The following RAB28 variants were observed in gnomAD, a reference collection of about 807,000 sequenced individuals.
RAB28 encodes ras-related protein Rab-28.
A neutral mutation model predicts 31.7 loss-of-function variants in RAB28; 24 were observed. That is an observed-to-expected ratio of 0.76 (90% CI 0.55 to 1.06). RAB28 has a LOEUF of 1.06. RAB28 is among the 50% of genes least tolerant of loss of function. The pLI, the probability that RAB28 is intolerant of heterozygous loss-of-function variation, is 0.00. For synonymous variants in RAB28, 100 were observed against 90.4 expected, an observed-to-expected ratio of 1.11 and a Z score of -0.60; for missense variants, 254 against 258.5, an observed-to-expected ratio of 0.98 and a Z score of 0.12.
At chr4:13,380,582 T>G (rs945628915) in intron 5 of RAB28, among the ~76,000 whole-genome samples, 4 of 152,142 alleles carry the variant, frequency 2.6e-5, no homozygotes, top group African/African-American at 4.8e-5. Context: ...TTTTCTTTTT[T>G]GGGGCCTACC....
chr4:13,392,372 A>G (rs1196730541), intron 4 of RAB28, among the ~76,000 whole-genome samples: 1 of 152,224 alleles, frequency 6.6e-6, no homozygotes, highest in Non-Finnish European at 1.5e-5. Flanking sequence ...TCATATCCCA[A>G]GAGATGACCT....
At chr4:13,412,511 CT>C (rs1457530276) in intron 4 of RAB28, among the ~76,000 whole-genome samples, 1 of 152,056 alleles carries the variant, frequency 6.6e-6, no homozygotes, top group African/African-American at 2.4e-5. Flanking sequence ...CTTGACCTCT[CT>C]GTTCTAAGAG....
intron 4 of RAB28, among the ~76,000 whole-genome samples, chr4:13,387,459 T>C (rs1729423514): frequency 6.6e-6 from 1 of 152,092 alleles, no homozygotes; most frequent in Non-Finnish European, 1.5e-5. Context: ...GTTATTTCTG[T>C]TGCCCTTTAA....
intron 2 of RAB28, among the ~76,000 whole-genome samples, chr4:13,476,841 G>T (rs1411271641): frequency 1.3e-5 from 2 of 151,464 alleles, no homozygotes; most frequent in Non-Finnish European, 3.0e-5. Flanking sequence ...CAAAATTCCT[G>T]TTCCTCTGTA....
chr4:13,437,515 A>C (rs570473248), intron 4 of RAB28, among the ~76,000 whole-genome samples: 12 of 152,248 alleles, frequency 7.9e-5, no homozygotes, highest in African/African-American at 1.7e-4. Flanking sequence ...GTCAAGGAAA[A>C]AAAAATAACC....
At chr4:13,437,837 C>T (rs1577214068) in intron 4 of RAB28, among the ~76,000 whole-genome samples, 1 of 151,980 alleles carries the variant, frequency 6.6e-6, no homozygotes, top group Admixed American at 6.5e-5. Flanking sequence ...CCCAGCAATC[C>T]CACTACTGAC....
chr4:13,460,624 G>T (rs1715544258), intron 4 of RAB28, 75 bp downstream of exon 4: 1 of 1,566,734 alleles, frequency 6.4e-7, no homozygotes. Context: ...AATTGGGGGT[G>T]GTGGGGGGAC....
chr4:13,452,656 T>A (rs192321235), intron 4 of RAB28, among the ~76,000 whole-genome samples: 2 of 152,192 alleles, frequency 1.3e-5, no homozygotes, highest in East Asian at 1.9e-4. Context: ...TTTTTTTAAA[T>A]TTTTTTGACA....
chr4:13,475,182 A>T (rs933331827), intron 2 of RAB28, among the ~76,000 whole-genome samples: 1 of 151,664 alleles, frequency 6.6e-6, no homozygotes, highest in Non-Finnish European at 1.5e-5. Context: ...CTAAAAGGCA[A>T]TCTTTAAAAA....
At position 13,415,660 on chromosome 4, in the gene RAB28, C is replaced by G. The variant is rs185864501; in HGVS notation, c.392-34066G>C. 1.1e-3 allele frequency among the ~76,000 whole-genome samples: 163 copies of G among 152,300 alleles called. 1 individual carries two copies. Among genetic ancestry groups the G allele is most frequent in the Middle Eastern group, 6.8e-3 (2 of 294 alleles). ...CATGCCTGAGCCTCCCCCGCCCCCTCCAACCACGCCACCCTGGGCTCCTGT... is the reference window on the plus strand; with the variant it reads ...CATGCCTGAGCCTCCCCCGCCCCCTGCAACCACGCCACCCTGGGCTCCTGT... On this transcript the variant is annotated intron_variant, in intron 4 of 6. Transcript: ENST00000330852.
chr4:13,435,499 G>GA (rs201739893), intron 4 of RAB28, among the ~76,000 whole-genome samples: 2,413 of 152,008 alleles, frequency 0.016, 74 homozygotes, highest in African/African-American at 0.055. Flanking sequence ...TAACCAAGAA[G>GA]AAAAAAGATC....
rs1044076305 is a variant in RAB28, at chr4:13,484,154, G to A, written c.-4C>T. 1.9e-6 allele frequency: 3 copies of A among 1,580,976 alleles called. No homozygotes were observed. Among genetic ancestry groups the A allele is most frequent in the Admixed American group, 3.6e-5 (2 of 56,114 alleles). ...TCTCCTCCTCAGAGTCCGACATGGT[G>A]TCCCGGGAACCAGGCCCGCCCCTCG... On this transcript the variant is annotated 5_prime_UTR_variant, in exon 1 of 7. Transcript: ENST00000330852.
chr4:13,405,886 T>C (rs1488839946), intron 4 of RAB28, among the ~76,000 whole-genome samples: 3 of 152,182 alleles, frequency 2.0e-5, no homozygotes, highest in African/African-American at 7.2e-5. Flanking sequence ...TTCACCTTTA[T>C]AATATATTGT....
intron 3 of RAB28, among the ~76,000 whole-genome samples, chr4:13,462,692 A>T (rs931312761): frequency 5.9e-5 from 9 of 152,174 alleles, no homozygotes; most frequent in Non-Finnish European, 2.9e-5. Flanking sequence ...GGTCTCTAAG[A>T]TCCCTTTCGC....
intron 4 of RAB28, among the ~76,000 whole-genome samples, chr4:13,404,955 A>G (rs1232856723): frequency 6.7e-6 from 1 of 150,092 alleles, no homozygotes; most frequent in South Asian, 2.1e-4. Flanking sequence ...GGTTATTCCC[A>G]AATTACAGAA....
intron 3 of RAB28, among the ~76,000 whole-genome samples, chr4:13,467,511 C>T (rs903840704): frequency 2.0e-4 from 31 of 151,662 alleles, no homozygotes; most frequent in African/African-American, 7.5e-4. Context: ...ACAGCCATGC[C>T]ATAAGGGACA....
At chr4:13,473,909 T>A in intron 3 of RAB28, 2 of 352,628 alleles carry the variant, frequency 5.7e-6, no homozygotes, top group South Asian at 4.4e-5. Context: ...CACAAAAACA[T>A]AGACATATAG....
intron 4 of RAB28, among the ~76,000 whole-genome samples, chr4:13,427,952 A>T (rs1450747882): frequency 2.0e-5 from 3 of 152,192 alleles, no homozygotes; most frequent in Non-Finnish European, 4.4e-5. Context: ...GCAGCTCCCG[A>T]GTGAGCAATT....
chr4:13,376,472 G>A, intron 6 of RAB28, 73 bp downstream of exon 6: 2 of 1,121,424 alleles, frequency 1.8e-6, no homozygotes, highest in South Asian at 3.0e-5. Flanking sequence ...AAATGGGAAA[G>A]AATTTATGGG....
Sources: gnomAD v4.1 joint callset for allele counts (sites outside exome capture counted in the v4.1 genomes callset) on GRCh38, gnomAD v4.1.1 for gene constraint, MANE v1.5 for transcripts, NCBI Gene and HGNC (gene_info 2026-07-23, HGNC 2026-07-21) for gene names.